The following SH3D19 variants were observed in gnomAD, a reference collection of about 807,000 sequenced individuals.
SH3D19 encodes SH3 domain-containing protein 19.
A neutral mutation model predicts 112.1 loss-of-function variants in SH3D19; 58 were observed. The ratio of observed to expected loss-of-function variants is 0.52; its 90% CI spans 0.42 to 0.64. The LOEUF is 0.64. Among genes scored for constraint, SH3D19 ranks in the 30% least tolerant of loss-of-function variants. SH3D19 has a pLI of 0.00. For synonymous variants in SH3D19, 391 were observed against 448.5 expected, an observed-to-expected ratio of 0.87 and a Z score of 1.62; for missense variants, 1,090 against 1,263.4, an observed-to-expected ratio of 0.86 and a Z score of 2.08.
intron 1 of SH3D19, chr4:151,291,249 G>A: frequency 6.2e-7 from 1 of 1,613,924 alleles, no homozygotes; most frequent in South Asian, 1.1e-5. Flanking sequence ...ACCAAAAATG[G>A]ATTAATGCCA....
chr4:151,307,774 T>C (rs554139808), intron 1 of SH3D19, among the ~76,000 whole-genome samples: 22 of 152,230 alleles, frequency 1.4e-4, no homozygotes, highest in Non-Finnish European at 2.6e-4. Context: ...CATATTAGCA[T>C]GCGTGGTTTC....
rs771691549 is a variant in SH3D19, at chr4:151,174,881, C to T, written c.1323G>A (p.Leu441=). ...SENPTYPSAP[L]KPVTVPPRLA... ...GTCGGGGAGGAACAGTGACAGGTTT[C>T]AGTGGAGCTGAAGGGTAGGTGGGGT... Residue 441 remains leucine, a synonymous_variant, in exon 7 of 20, where the codon CTG becomes CTA. Coordinates refer to ENST00000604030, the MANE Select transcript of SH3D19 (RefSeq NM_001378122.1). 18 of 1,611,076 alleles carry T rather than the reference C, an allele frequency of 1.1e-5. No individual in the cohort carries two copies. Among genetic ancestry groups the T allele is most frequent in the South Asian group, 3.3e-5 (3 of 90,604 alleles).
rs1413495653 is a variant in SH3D19, at chr4:151,279,871, T to A, written c.112+45370A>T. 4 of 1,613,816 alleles carry A rather than the reference T, an allele frequency of 2.5e-6. No individual in the cohort carries two copies. The Admixed American group carries it at 5.0e-5, about 20-fold the overall frequency. On this transcript the variant is annotated intron_variant, in intron 1 of 19. Transcript: ENST00000604030. ...GCTGCAGGGCGCTGGCCTTGGCAGG[T>A]CAGCCTACACTTTGACCACAACTTT...
intron 2 of SH3D19, 131 bp from the exon 3 acceptor site, chr4:151,187,594 T>A (rs1293042858): frequency 2.2e-6 from 1 of 446,298 alleles, no homozygotes; most frequent in East Asian, 3.6e-5. Flanking sequence ...TACTGGCCTA[T>A]CCTCTTTAAA....
intron 1 of SH3D19, among the ~76,000 whole-genome samples, chr4:151,250,928 T>A (rs929927910): frequency 1.4e-4 from 22 of 152,304 alleles, no homozygotes; most frequent in African/African-American, 4.8e-4. Context: ...GGCCGATGGA[T>A]CCATTCCAGT....
At chr4:151,216,649 A>G (rs1452404659) in intron 2 of SH3D19, among the ~76,000 whole-genome samples, 1 of 152,190 alleles carries the variant, frequency 6.6e-6, no homozygotes, top group East Asian at 1.9e-4. Context: ...CTTGAGAAAA[A>G]GTAATAAACA....
At chr4:151,144,399 G>T in intron 11 of SH3D19, 1 of 917,738 alleles carries the variant, frequency 1.1e-6, no homozygotes, top group Non-Finnish European at 1.8e-6. Context: ...TTCTCCAGCA[G>T]CTAAACTCAC....
rs746623654 is a variant in SH3D19, at chr4:151,174,868, CAG to C, written c.1334_1335del (p.Thr445SerfsTer44). On this transcript the variant is annotated frameshift_variant, in exon 7 of 20. Transcript: ENST00000604030. LOFTEE classifies it high-confidence loss of function. Reference protein sequence around the residue: ...TYPSAPLKPVTVPPRLAGASQ... With the variant: ...TYPSAPLKPVXVPPRLAGASQ... ...GATGCCCCTGCGAGTCGGGGAGGAA[CAG>C]TGACAGGTTTCAGTGGAGCTGAAGG... 1 of 1,607,206 alleles carries C rather than the reference CAG, an allele frequency of 6.2e-7. No individual in the cohort carries two copies. The highest frequency in any genetic ancestry group is 8.5e-7 in the Non-Finnish European group (1 of 1,176,550).
chr4:151,150,958 CTTTT>C (rs10714871), intron 9 of SH3D19, among the ~76,000 whole-genome samples: 6 of 110,864 alleles, frequency 5.4e-5, no homozygotes, highest in African/African-American at 7.4e-5. Flanking sequence ...TCACAAAATT[CTTTT>C]TTTTTTTTTT....
intron 10 of SH3D19, among the ~76,000 whole-genome samples, chr4:151,148,633 T>A (rs1754376629): frequency 6.6e-6 from 1 of 152,206 alleles, no homozygotes; most frequent in African/African-American, 2.4e-5. Context: ...CCCCTAATAT[T>A]CATGTTATAG....
At chr4:151,189,274 C>T (rs12645554) in intron 2 of SH3D19, among the ~76,000 whole-genome samples, 9,372 of 152,044 alleles carry the variant, frequency 0.062, 504 homozygotes, top group East Asian at 0.25. Context: ...CCACCATGCC[C>T]AGCTGATTTT....
At position 151,257,590 on chromosome 4, in the gene SH3D19, A is replaced by AATC. The variant is rs373590561; in HGVS notation, c.113-31507_113-31505dup. Among the ~76,000 whole-genome samples, 52 of 151,894 alleles carry AATC rather than the reference A, an allele frequency of 3.4e-4. No homozygotes were observed. The East Asian group carries it at 4.4e-3, about 13-fold the overall frequency. ...TCTTCATCATCATTATTATGTTATT[A>AATC]ATCATCATCATCATCATCATCATGC... On this transcript the variant is annotated intron_variant, in intron 1 of 19. Transcript: ENST00000604030.
intron 1 of SH3D19, among the ~76,000 whole-genome samples, chr4:151,318,255 C>T (rs201141511): frequency 9.6e-5 from 13 of 135,398 alleles, no homozygotes; most frequent in South Asian, 2.5e-4. Context: ...GAGCCAAGAT[C>T]GCGCCACTGC....
chr4:151,195,740 T>TA (rs1274578979), intron 2 of SH3D19, among the ~76,000 whole-genome samples: 2 of 151,836 alleles, frequency 1.3e-5, no homozygotes, highest in African/African-American at 4.8e-5. Context: ...AATCCTAAAT[T>TA]AAAAAAATAA....
At chr4:151,312,332 ACAT>A (rs1171329652) in intron 1 of SH3D19, among the ~76,000 whole-genome samples, 1 of 152,244 alleles carries the variant, frequency 6.6e-6, no homozygotes, top group African/African-American at 2.4e-5. Context: ...AAACCAATCA[ACAT>A]CATATTTTTA....
At chr4:151,255,156 G>T (rs1771754687) in intron 1 of SH3D19, among the ~76,000 whole-genome samples, 1 of 151,668 alleles carries the variant, frequency 6.6e-6, no homozygotes, top group African/African-American at 2.4e-5. Flanking sequence ...CAGACGGGGT[G>T]GCTGCCGGGC....
intron 2 of SH3D19, among the ~76,000 whole-genome samples, chr4:151,197,888 T>C (rs931130698): frequency 8.6e-5 from 13 of 151,614 alleles, no homozygotes; most frequent in African/African-American, 3.2e-4. Flanking sequence ...CAAGGCTTTA[T>C]GTGAAATAGT....
At chr4:151,291,295 T>A (rs1331627728) in intron 1 of SH3D19, 24 of 1,614,022 alleles carry the variant, frequency 1.5e-5, no homozygotes, top group Non-Finnish European at 2.0e-5. Context: ...CTTCTCTGAC[T>A]TCTTGTTCCC....
At chr4:151,156,148 T>C (rs922171624) in intron 9 of SH3D19, among the ~76,000 whole-genome samples, 7 of 151,972 alleles carry the variant, frequency 4.6e-5, no homozygotes, top group African/African-American at 1.7e-4. Flanking sequence ...AACTACAAAA[T>C]ACCGATGGAA....
Sources: gnomAD v4.1 joint callset for allele counts (sites outside exome capture counted in the v4.1 genomes callset) on GRCh38, gnomAD v4.1.1 for gene constraint, MANE v1.5 for transcripts, NCBI Gene and HGNC (gene_info 2026-07-23, HGNC 2026-07-21) for gene names.